Variants in STIM1 observed in about 807,000 individuals in gnomAD.
STIM1 encodes the protein stromal interaction molecule 1.
In STIM1, 25 loss-of-function variants were observed where a neutral mutation model predicts 74.7. That is an observed-to-expected ratio of 0.33 (90% CI 0.24 to 0.47). STIM1 has a LOEUF of 0.47. Ranked by LOEUF, STIM1 falls within the 20% of genes least tolerant of loss-of-function variation. STIM1 has a pLI of 1.00. For synonymous variants in STIM1, 328 were observed against 348.8 expected, an observed-to-expected ratio of 0.94 and a Z score of 0.66; for missense variants, 728 against 920.8, an observed-to-expected ratio of 0.79 and a Z score of 2.71.
chr11:3,996,052 C>A (rs1245308649), intron 2 of STIM1, among the ~76,000 whole-genome samples: 2 of 152,176 alleles, frequency 1.3e-5, no homozygotes, highest in African/African-American at 4.8e-5. Context: ...TTCACCACAA[C>A]TTCTACTCTT....
At chr11:3,953,694 G>A (rs1289598938) in intron 1 of STIM1, among the ~76,000 whole-genome samples, 1 of 151,952 alleles carries the variant, frequency 6.6e-6, no homozygotes, top group Non-Finnish European at 1.5e-5. Context: ...TTTAGAGTCT[G>A]AGTATAATAT....
intron 5 of STIM1, among the ~76,000 whole-genome samples, chr11:4,063,648 G>A (rs1054608669): frequency 1.3e-5 from 2 of 152,192 alleles, no homozygotes; most frequent in Admixed American, 6.6e-5. Flanking sequence ...TGAACTTGCA[G>A]TGTATCCGAG....
chr11:3,977,358 A>G (rs2093458173), intron 2 of STIM1, among the ~76,000 whole-genome samples: 1 of 152,248 alleles, frequency 6.6e-6, no homozygotes, highest in African/African-American at 2.4e-5. Flanking sequence ...GGAAGCTACA[A>G]GATCTACTTA....
chr11:4,077,982 A>T (rs1352885787), intron 7 of STIM1, among the ~76,000 whole-genome samples: 1 of 152,164 alleles, frequency 6.6e-6, no homozygotes, highest in Non-Finnish European at 1.5e-5. Flanking sequence ...TCCTTGTCTT[A>T]TAATTCTTAC....
chr11:3,884,905 C>T (rs562768965), intron 1 of STIM1, among the ~76,000 whole-genome samples: 6 of 152,218 alleles, frequency 3.9e-5, no homozygotes, highest in African/African-American at 1.4e-4. Context: ...GAAAAGGCTA[C>T]ATATTGTATG....
intron 3 of STIM1, among the ~76,000 whole-genome samples, chr11:4,033,639 A>C (rs1397179241): frequency 1.3e-5 from 2 of 150,338 alleles, no homozygotes; most frequent in African/African-American, 4.9e-5. Context: ...CCTGTCGCCT[A>C]GGCTGGAGTG....
chr11:4,082,167 T>C lies in STIM1; in HGVS notation c.970-17T>C, dbSNP rs199875258. The C allele has an allele frequency of 8.7e-6, 14 of 1,613,948 alleles. No individual in the cohort carries two copies. The highest frequency in any genetic ancestry group is 1.1e-5 in the Non-Finnish European group (13 of 1,179,980). On this transcript the variant is annotated splice_polypyrimidine_tract_variant and intron_variant, in intron 7 of 12. Coordinates refer to ENST00000526596, the MANE Select transcript of STIM1 (RefSeq NM_001382567.1). ...CTTAGTAGCAGTAAATGAACTCACA[T>C]CCTTTTGGCTGCCTAGGTTCGGGAG...
At chr11:3,995,611 G>A (rs966608555) in intron 2 of STIM1, among the ~76,000 whole-genome samples, 3 of 152,042 alleles carry the variant, frequency 2.0e-5, no homozygotes, top group African/African-American at 7.2e-5. Context: ...CCTTTGAAGG[G>A]ATAGTTCCTG....
chr11:3,933,660 C>T (rs903287032), intron 1 of STIM1, among the ~76,000 whole-genome samples: 2 of 152,160 alleles, frequency 1.3e-5, no homozygotes, highest in African/African-American at 4.8e-5. Flanking sequence ...GGAATATATC[C>T]TGTTTGGTAG....
intron 1 of STIM1, among the ~76,000 whole-genome samples, chr11:3,900,997 C>A (rs111416918): frequency 1.2e-4 from 19 of 152,202 alleles, no homozygotes; most frequent in African/African-American, 4.3e-4. Context: ...TCAAGACTAG[C>A]CTGGCCAACA....
At chr11:4,056,439 C>T (rs1183022277) in intron 4 of STIM1, among the ~76,000 whole-genome samples, 1 of 152,236 alleles carries the variant, frequency 6.6e-6, no homozygotes, top group East Asian at 1.9e-4. Flanking sequence ...CTGCTCTGTG[C>T]CAAGCACTTG....
chr11:3,936,006 TTTA>T (rs777130010), intron 1 of STIM1, among the ~76,000 whole-genome samples: 57 of 152,354 alleles, frequency 3.7e-4, no homozygotes, highest in Non-Finnish European at 6.3e-4. Flanking sequence ...TCAAATGGAC[TTTA>T]TTGAGATATA....
intron 2 of STIM1, among the ~76,000 whole-genome samples, chr11:4,001,515 A>C (rs1306221184): frequency 1.3e-5 from 2 of 152,192 alleles, no homozygotes; most frequent in Non-Finnish European, 2.9e-5. Flanking sequence ...GAAATAAAAT[A>C]CTTTACAGAC....
At chr11:3,902,434 G>A (rs1032270077) in intron 1 of STIM1, among the ~76,000 whole-genome samples, 30 of 152,288 alleles carry the variant, frequency 2.0e-4, no homozygotes, top group African/African-American at 6.5e-4. Context: ...CACAGACCAG[G>A]GTGCGGGGTG....
intron 2 of STIM1, among the ~76,000 whole-genome samples, chr11:3,998,204 T>G (rs1396590935): frequency 6.6e-6 from 1 of 152,218 alleles, no homozygotes; most frequent in African/African-American, 2.4e-5. Flanking sequence ...GTTGTTAGGT[T>G]TTGTGCTACT....
intron 3 of STIM1, among the ~76,000 whole-genome samples, chr11:4,032,217 C>T (rs2094056668): frequency 6.6e-6 from 1 of 152,112 alleles, no homozygotes; most frequent in Non-Finnish European, 1.5e-5. Context: ...CACTGTAGTC[C>T]CAGCTATTCA....
chr11:4,028,613 T>C (rs2136039902), intron 3 of STIM1, among the ~76,000 whole-genome samples: 1 of 151,874 alleles, frequency 6.6e-6, no homozygotes, highest in South Asian at 2.1e-4. Flanking sequence ...TTCACCATGT[T>C]GGACCAGGCT....
At chr11:4,077,836 T>C (rs925249965) in intron 7 of STIM1, among the ~76,000 whole-genome samples, 4 of 152,200 alleles carry the variant, frequency 2.6e-5, no homozygotes, top group African/African-American at 9.7e-5. Flanking sequence ...TCTCAGACAA[T>C]GTATTTTTCA....
At chr11:4,005,745 G>T (rs1345104305) in intron 2 of STIM1, among the ~76,000 whole-genome samples, 1 of 151,878 alleles carries the variant, frequency 6.6e-6, no homozygotes, top group Non-Finnish European at 1.5e-5. Flanking sequence ...TAATAAAAAA[G>T]ATTATTCTAG....
Sources: gnomAD v4.1 joint callset for allele counts (sites outside exome capture counted in the v4.1 genomes callset) on GRCh38, gnomAD v4.1.1 for gene constraint, MANE v1.5 for transcripts, NCBI Gene and HGNC (gene_info 2026-07-23, HGNC 2026-07-21) for gene names.